Variants in CRTAC1 observed in about 807,000 individuals in gnomAD.
CRTAC1 encodes acidic secreted protein in cartilage.
In CRTAC1, 37 loss-of-function variants were observed where a neutral mutation model predicts 67.8. The observed-to-expected ratio is 0.55, with a 90% CI of 0.42 to 0.72. CRTAC1 has a LOEUF of 0.72. CRTAC1 is among the 30% of genes least tolerant of loss of function. The pLI is 0.00. For missense variants in CRTAC1, 780 were observed against 931.6 expected (o/e 0.84, Z 2.12); for synonymous variants, 348 against 371.0 (o/e 0.94, Z 0.71).
At position 97,972,695 on chromosome 10, in the gene CRTAC1, T is replaced by A. The variant is rs117967534; in HGVS notation, c.225-36329A>T. The stretch of plus-strand genomic sequence containing the variant: ...ATCTATTGATAGGGAAATGGTTGCA[T>A]AAATTATAGAATATCCACATAATGA... On this transcript the variant is annotated intron_variant, in intron 2 of 14. Transcript: ENST00000370597. 1.6e-4 allele frequency among the ~76,000 whole-genome samples: 25 copies of A among 152,380 alleles called. No individual in the cohort carries two copies. In the East Asian group the frequency reaches 4.8e-3, roughly 29 times the overall value.
intron 2 of CRTAC1, among the ~76,000 whole-genome samples, chr10:97,945,274 G>C (rs2051246060): frequency 6.6e-6 from 1 of 152,128 alleles, no homozygotes; most frequent in Non-Finnish European, 1.5e-5. Context: ...CAGAGCCCGA[G>C]GGTGGAAGGG....
intron 2 of CRTAC1, among the ~76,000 whole-genome samples, chr10:97,995,422 T>G (rs1842545072): frequency 6.6e-6 from 1 of 152,212 alleles, no homozygotes; most frequent in Admixed American, 6.5e-5. Flanking sequence ...GGGAAGGACC[T>G]CTTAAATCCT....
At chr10:97,917,691 CA>C in intron 4 of CRTAC1, 35 bp from the exon 5 acceptor site, 1 of 1,480,640 alleles carries the variant, frequency 6.8e-7, no homozygotes, top group Non-Finnish European at 9.1e-7. Flanking sequence ...TGAGCAGGGC[CA>C]CCTTGGCTCA....
At chr10:97,927,557 G>T (rs1444843305) in intron 3 of CRTAC1, among the ~76,000 whole-genome samples, 1 of 152,236 alleles carries the variant, frequency 6.6e-6, no homozygotes, top group East Asian at 1.9e-4. Flanking sequence ...AGCTGGAGGT[G>T]TTAGGGCGCC....
At chr10:97,997,230 TATAATAATAATAATAATAATAATA>T (rs111567944) in intron 2 of CRTAC1, among the ~76,000 whole-genome samples, 2 of 131,750 alleles carry the variant, frequency 1.5e-5, no homozygotes, top group Admixed American at 7.7e-5. Flanking sequence ...AAACTTAAAG[TATAATAATAATAATAATAATAATA>T]ATAATAATAA....
intron 2 of CRTAC1, among the ~76,000 whole-genome samples, chr10:97,998,241 G>T (rs919934053): frequency 2.0e-5 from 3 of 152,166 alleles, no homozygotes; most frequent in African/African-American, 7.2e-5. Context: ...CCAAAATGCT[G>T]GGATTACAGG....
chr10:97,942,299 G>A (rs2051187627), intron 2 of CRTAC1, among the ~76,000 whole-genome samples: 1 of 152,218 alleles, frequency 6.6e-6, no homozygotes, highest in African/African-American at 2.4e-5. Flanking sequence ...CCACCGCAGA[G>A]TGAATGGAAG....
intron 5 of CRTAC1, among the ~76,000 whole-genome samples, chr10:97,913,143 T>C (rs1010703501): frequency 1.6e-4 from 24 of 151,570 alleles, no homozygotes; most frequent in African/African-American, 5.1e-4. Context: ...AGAGTGTGTG[T>C]GTGTGTAAAC....
At chr10:97,939,607 AAC>A (rs1345482162) in intron 2 of CRTAC1, among the ~76,000 whole-genome samples, 1 of 152,110 alleles carries the variant, frequency 6.6e-6, no homozygotes, top group Non-Finnish European at 1.5e-5. Context: ...CTGCTGGACC[AAC>A]ACTCAGAGCC....
chr10:97,865,813 C>T, intron 14 of CRTAC1, 99 bp from the exon 15 acceptor site: 8 of 564,776 alleles, frequency 1.4e-5, no homozygotes, highest in Non-Finnish European at 2.2e-5. Flanking sequence ...GCTCACCCTG[C>T]TGCCCGGGGT....
chr10:97,954,768 C>T (rs182840539), intron 2 of CRTAC1, among the ~76,000 whole-genome samples: 1 of 152,298 alleles, frequency 6.6e-6, no homozygotes, highest in East Asian at 1.9e-4. Flanking sequence ...AGTCTGAAAT[C>T]AAGGTATCAA....
chr10:97,915,752 G>A (rs777298295), intron 5 of CRTAC1, among the ~76,000 whole-genome samples: 2 of 152,206 alleles, frequency 1.3e-5, no homozygotes, highest in Non-Finnish European at 2.9e-5. Context: ...GCTGGAGAAG[G>A]CGCGCAGACA....
In CRTAC1 at chr10:98,011,409, G is replaced by C. The variant is rs796760215; in HGVS notation, c.25-72C>G. On this transcript the variant is annotated intron_variant, in intron 1 of 14. Transcript: ENST00000370597. ...GCAATCCCGGAACATTAAAGTCCTGGGTAGGCCCAGAGTGCCTTTCTCTCC... is the reference window on the plus strand; with the variant it reads ...GCAATCCCGGAACATTAAAGTCCTGCGTAGGCCCAGAGTGCCTTTCTCTCC... 5.7e-6 allele frequency: 9 copies of C among 1,582,816 alleles called. No homozygotes were observed. In the African/African-American group the frequency reaches 1.2e-4, roughly 21 times the overall value.
chr10:97,881,211 C>T (rs1374610317), intron 13 of CRTAC1, among the ~76,000 whole-genome samples: 1 of 152,226 alleles, frequency 6.6e-6, no homozygotes, highest in African/African-American at 2.4e-5. Flanking sequence ...AGACTCCCTA[C>T]AGGGGCCTCA....
intron 14 of CRTAC1, among the ~76,000 whole-genome samples, chr10:97,872,537 A>C (rs2050105059): frequency 1.3e-5 from 2 of 152,138 alleles, no homozygotes; most frequent in African/African-American, 4.8e-5. Flanking sequence ...AGGTGGGGAA[A>C]ATCCTTCTGG....
intron 14 of CRTAC1, among the ~76,000 whole-genome samples, chr10:97,876,287 G>A (rs1245151734): frequency 6.6e-6 from 1 of 152,140 alleles, no homozygotes; most frequent in East Asian, 1.9e-4. Flanking sequence ...GTAAACGTGG[G>A]ATAATTACAA....
chr10:97,937,559 T>A (rs1014826859), intron 2 of CRTAC1, among the ~76,000 whole-genome samples: 2 of 152,194 alleles, frequency 1.3e-5, no homozygotes, highest in Admixed American at 6.5e-5. Flanking sequence ...GAACCATGCC[T>A]AGTATACAAT....
At chr10:97,878,766 C>T (rs1336014287) in intron 14 of CRTAC1, 1 of 1,251,912 alleles carries the variant, frequency 8.0e-7, no homozygotes, top group Non-Finnish European at 1.1e-6. Context: ...AGGAAAGGCC[C>T]TTAGGGATAT....
chr10:97,919,400 A>G (rs2050804642), intron 4 of CRTAC1, among the ~76,000 whole-genome samples: 1 of 152,214 alleles, frequency 6.6e-6, no homozygotes, highest in Admixed American at 6.5e-5. Flanking sequence ...GAGATGAGAA[A>G]GAGGAGGATG....
Sources: allele counts gnomAD v4.1 joint callset (sites outside exome capture counted in the v4.1 genomes callset), GRCh38; gene constraint gnomAD v4.1.1; transcripts MANE v1.5; gene names NCBI Gene and HGNC (gene_info 2026-07-23, HGNC 2026-07-21).